CARMIL1: variants seen among roughly 807,000 people sequenced by gnomAD.
The protein encoded by CARMIL1 is capping protein regulator and myosin 1 linker 1.
A neutral mutation model predicts 177.1 loss-of-function variants in CARMIL1; 90 were observed. The ratio of observed to expected loss-of-function variants is 0.51; its 90% CI spans 0.43 to 0.61. The LOEUF (loss-of-function observed/expected upper bound fraction) is 0.61, where lower values mean the gene tolerates loss of function less well. Among genes scored for constraint, CARMIL1 ranks in the 20% least tolerant of loss-of-function variants. CARMIL1 has a pLI of 0.00. For synonymous variants in CARMIL1, 577 were observed against 606.2 expected (o/e 0.95, Z 0.71); for missense variants, 1,380 against 1,667.0 (o/e 0.83, Z 3.00).
rs111934619 is a variant in CARMIL1, at chr6:25,542,161, A to G, written c.2328+2083A>G. Among the ~76,000 whole-genome samples, 615 of 152,338 alleles carry G rather than the reference A, an allele frequency of 4.0e-3. 5 individuals are homozygous for G. The highest frequency in any genetic ancestry group is 0.014 in the African/African-American group (573 of 41,580). On this transcript the variant is annotated intron_variant, in intron 26 of 36. Transcript: ENST00000329474. ...AAACATTTGTAATAGGACCTTTCCT[A>G]TCAAACAGCTTCAAACTGTTAATTG...
chr6:25,450,964 CTCTTCTCT>C (rs1798823888), intron 8 of CARMIL1, among the ~76,000 whole-genome samples: 4 of 7,882 alleles, frequency 5.1e-4, no homozygotes, highest in Non-Finnish European at 5.8e-4. Flanking sequence ...CTCCTCTCCT[CTCTTCTCT>C]TCTCCTCTCC....
chr6:25,561,204 T>G (rs930080064), intron 29 of CARMIL1, among the ~76,000 whole-genome samples: 1 of 152,168 alleles, frequency 6.6e-6, no homozygotes, highest in Admixed American at 6.5e-5. Flanking sequence ...CTTGGGGTAT[T>G]GAAGGATGCA....
intron 26 of CARMIL1, among the ~76,000 whole-genome samples, chr6:25,549,302 A>G (rs550644739): frequency 3.0e-4 from 45 of 152,304 alleles, no homozygotes; most frequent in Non-Finnish European, 3.5e-4. Context: ...AGTAACTGAT[A>G]TGTTGAAGAA....
chr6:25,405,016 A>T (rs1794241533), intron 2 of CARMIL1, among the ~76,000 whole-genome samples: 1 of 146,224 alleles, frequency 6.8e-6, no homozygotes, highest in Non-Finnish European at 1.5e-5. Flanking sequence ...AGTGTTTATG[A>T]CTAAACCCGT....
intron 2 of CARMIL1, among the ~76,000 whole-genome samples, chr6:25,394,401 C>T (rs1179392306): frequency 1.3e-5 from 2 of 152,182 alleles, no homozygotes; most frequent in Non-Finnish European, 2.9e-5. Flanking sequence ...ATCATCTACC[C>T]AATATTACAC....
chr6:25,433,852 A>G (rs373624185), intron 4 of CARMIL1, among the ~76,000 whole-genome samples: 6 of 152,202 alleles, frequency 3.9e-5, no homozygotes, highest in African/African-American at 1.4e-4. Flanking sequence ...ACCTTGCGTT[A>G]CTTTTCATTT....
At chr6:25,569,772 C>A (rs1169542972) in intron 29 of CARMIL1, among the ~76,000 whole-genome samples, 1 of 152,152 alleles carries the variant, frequency 6.6e-6, no homozygotes, top group Non-Finnish European at 1.5e-5. Context: ...GTATTTAAGT[C>A]TTCTCCTAAA....
chr6:25,466,227 T>C (rs9461177), intron 9 of CARMIL1, among the ~76,000 whole-genome samples: 13,538 of 152,240 alleles, frequency 0.089, 731 homozygotes, highest in East Asian at 0.18. Context: ...AGTCATTCAG[T>C]TGGCAAAAAC....
chr6:25,572,838 A>G (rs528488230), intron 29 of CARMIL1, among the ~76,000 whole-genome samples: 12 of 152,342 alleles, frequency 7.9e-5, no homozygotes, highest in African/African-American at 2.6e-4. Flanking sequence ...AAATGTCTCT[A>G]AAGGACTATT....
intron 2 of CARMIL1, among the ~76,000 whole-genome samples, chr6:25,334,842 T>C (rs541580890): frequency 6.6e-6 from 1 of 152,328 alleles, no homozygotes; most frequent in South Asian, 2.1e-4. Flanking sequence ...AATCTTTAGT[T>C]GGCCAGTCTT....
chr6:25,405,431 T>G (rs1162359939), intron 2 of CARMIL1, among the ~76,000 whole-genome samples: 5 of 152,234 alleles, frequency 3.3e-5, no homozygotes, highest in Non-Finnish European at 7.3e-5. Context: ...TTTAACCCTG[T>G]AGTCCTGTTG....
At chr6:25,420,386 G>A in intron 3 of CARMIL1, 1 of 520,240 alleles carries the variant, frequency 1.9e-6, no homozygotes, top group Admixed American at 3.4e-5. Flanking sequence ...CCTAAAGGCT[G>A]TAATGAGAAA....
At chr6:25,420,070 C>A in intron 2 of CARMIL1, 44 bp from the exon 3 acceptor site, 1 of 1,522,744 alleles carries the variant, frequency 6.6e-7, no homozygotes, top group African/African-American at 1.4e-5. Context: ...CCACTGGCCC[C>A]ACTTTTTGGT....
At chr6:25,369,456 C>T (rs980175027) in intron 2 of CARMIL1, among the ~76,000 whole-genome samples, 5 of 151,768 alleles carry the variant, frequency 3.3e-5, no homozygotes, top group Non-Finnish European at 7.4e-5. Context: ...TTAAGACTCC[C>T]GTTTCCACAT....
chr6:25,309,766 CTT>C (rs34514583), intron 2 of CARMIL1, among the ~76,000 whole-genome samples: 63 of 116,892 alleles, frequency 5.4e-4, no homozygotes, highest in African/African-American at 8.7e-4. Context: ...TATACCACAT[CTT>C]TTTTTTTTTT....
Position 25,435,463 on chromosome 6 carries a change from T to G in CARMIL1, c.250-20T>G, listed in dbSNP as rs1323196275. Reference sequence around the variant, plus strand: ...AGGAATTGGACTCATTCTTAAGAAGTGTCCCACCGGTTCTTGCAGATGATT... The same window carrying G: ...AGGAATTGGACTCATTCTTAAGAAGGGTCCCACCGGTTCTTGCAGATGATT... On this transcript the variant is annotated intron_variant, in intron 4 of 36. Transcript: ENST00000329474. 1 of 1,548,856 alleles carries G rather than the reference T, an allele frequency of 6.5e-7. No individual in the cohort carries two copies. Among genetic ancestry groups the G allele is most frequent in the East Asian group, 2.4e-5 (1 of 40,862 alleles).
intron 8 of CARMIL1, among the ~76,000 whole-genome samples, chr6:25,459,273 T>TCTTTCTTTTTTTTCTTTC (rs1390647134): frequency 7.5e-6 from 1 of 132,758 alleles, no homozygotes; most frequent in East Asian, 2.3e-4. Flanking sequence ...TTTCTTTTTT[T>TCTTTCTTTTTTTTCTTTC]TTTTTTTAAG....
At chr6:25,385,949 A>G (rs1327953256) in intron 2 of CARMIL1, among the ~76,000 whole-genome samples, 2 of 152,192 alleles carry the variant, frequency 1.3e-5, no homozygotes, top group Non-Finnish European at 2.9e-5. Flanking sequence ...TGATGAAATT[A>G]ATATTTAGTT....
chr6:25,338,880 A>G (rs1170873854), intron 2 of CARMIL1, among the ~76,000 whole-genome samples: 2 of 152,198 alleles, frequency 1.3e-5, no homozygotes, highest in East Asian at 3.8e-4. Context: ...CATAAGTTTT[A>G]TATGCTGAGA....
Sources: gnomAD v4.1 joint callset for allele counts (sites outside exome capture counted in the v4.1 genomes callset) on GRCh38, gnomAD v4.1.1 for gene constraint, MANE v1.5 for transcripts, NCBI Gene and HGNC (gene_info 2026-07-23, HGNC 2026-07-21) for gene names.